The following VPS13B variants were observed in gnomAD, a reference collection of about 807,000 sequenced individuals.
VPS13B encodes the protein intermembrane lipid transfer protein VPS13B.
VPS13B carries 285 observed loss-of-function variants against 426.4 expected under a neutral mutation model. The ratio of observed to expected loss-of-function variants is 0.67; its 90% confidence interval spans 0.61 to 0.74. The LOEUF (loss-of-function observed/expected upper bound fraction) is 0.74, where lower values mean the gene tolerates loss of function less well. VPS13B is among the 30% of genes least tolerant of loss of function. The pLI, the probability that VPS13B is intolerant of heterozygous loss-of-function variation, is 0.00. For missense variants in VPS13B, 4,537 were observed against 4,782.6 expected, an observed-to-expected ratio of 0.95 and a Z score of 1.51; for synonymous variants, 1,676 against 1,676.4, an observed-to-expected ratio of 1.00 and a Z score of 0.01.
At chr8:99,753,948 G>A (rs1358949025) in intron 39 of VPS13B, among the ~76,000 whole-genome samples, 1 of 152,150 alleles carries the variant, frequency 6.6e-6, no homozygotes, top group Non-Finnish European at 1.5e-5. Flanking sequence ...ACAACTGTAT[G>A]CTGGAATATT....
At chr8:99,210,636 A>G (rs2132793686) in intron 17 of VPS13B, among the ~76,000 whole-genome samples, 1 of 152,144 alleles carries the variant, frequency 6.6e-6, no homozygotes, top group Non-Finnish European at 1.5e-5. Flanking sequence ...ACAGAGTTTT[A>G]TTTCCATCTC....
At chr8:99,060,727 A>T (rs546588592) in intron 3 of VPS13B, among the ~76,000 whole-genome samples, 1 of 152,278 alleles carries the variant, frequency 6.6e-6, no homozygotes, top group East Asian at 1.9e-4. Flanking sequence ...TAGTTCAATA[A>T]TACTTTTTTT....
chr8:99,761,198 G>A (rs759711687), intron 39 of VPS13B, among the ~76,000 whole-genome samples: 1 of 152,140 alleles, frequency 6.6e-6, no homozygotes, highest in Non-Finnish European at 1.5e-5. Flanking sequence ...AAATTCTGAC[G>A]CATAACTGAC....
chr8:99,561,512 A>G (rs961553697), intron 31 of VPS13B, among the ~76,000 whole-genome samples: 8 of 152,226 alleles, frequency 5.3e-5, no homozygotes, highest in African/African-American at 1.9e-4. Context: ...CATTCAGTAG[A>G]AACTGTACTT....
At chr8:99,608,919 T>A (rs932804639) in intron 33 of VPS13B, among the ~76,000 whole-genome samples, 2 of 152,120 alleles carry the variant, frequency 1.3e-5, no homozygotes, top group Admixed American at 1.3e-4. Flanking sequence ...GGTGATGGAC[T>A]TTTGGGTTGT....
Position 99,502,969 on chromosome 8 carries a change from A to T in VPS13B, c.4157+19A>T, listed in dbSNP as rs759470345. 9 of 1,527,794 alleles carry T rather than the reference A, an allele frequency of 5.9e-6. No homozygotes were observed. The South Asian group carries it at 1.0e-4, about 17-fold the overall frequency. The allele number at this position is 1,527,794 out of a possible 1,614,324, so 94.6% of individuals were successfully genotyped here. ...GAAGCAGGTAAATAATGAATAATGAATATAAGAAAATCTGTATTTTTCTTT... is the reference window on the plus strand; with the variant it reads ...GAAGCAGGTAAATAATGAATAATGATTATAAGAAAATCTGTATTTTTCTTT... On this transcript the variant is annotated intron_variant, in intron 27 of 61. Coordinates refer to ENST00000357162, the MANE Select transcript of VPS13B (RefSeq NM_152564.5).
intron 45 of VPS13B, among the ~76,000 whole-genome samples, chr8:99,818,160 A>G (rs1030888890): frequency 3.3e-5 from 5 of 152,200 alleles, no homozygotes; most frequent in Non-Finnish European, 5.9e-5. Flanking sequence ...CTTTACCATC[A>G]TCACTTTCAT....
At position 99,828,855 on chromosome 8, in the gene VPS13B, T is replaced by C. The variant is rs145342937; in HGVS notation, c.9331-3514T>C. On this transcript the variant is annotated intron_variant, in intron 51 of 61. Transcript: ENST00000357162. ...AAGGATTTTATTTCTTCTTCACTTATAAAGCTTAGTTTGGCTGGATATGAA... is the reference window on the plus strand; with the variant it reads ...AAGGATTTTATTTCTTCTTCACTTACAAAGCTTAGTTTGGCTGGATATGAA... Among the ~76,000 whole-genome samples the C allele has an allele frequency of 3.2e-3, 487 of 152,322 alleles. 3 individuals carry two copies. Among genetic ancestry groups the C allele is most frequent in the African/African-American group, 0.011 (473 of 41,556 alleles).
At chr8:99,162,569 G>A (rs1327321028) in intron 15 of VPS13B, among the ~76,000 whole-genome samples, 3 of 152,134 alleles carry the variant, frequency 2.0e-5, no homozygotes, top group East Asian at 1.9e-4. Flanking sequence ...TGGTGGGTTC[G>A]TGGTCTCGCT....
chr8:99,165,189 A>G (rs1169202619), intron 15 of VPS13B, among the ~76,000 whole-genome samples: 1 of 152,166 alleles, frequency 6.6e-6, no homozygotes, highest in Admixed American at 6.5e-5. Context: ...TGTGGTGAGA[A>G]CTGTTTAAAT....
chr8:99,374,602 ATGT>A (rs1186204067), intron 19 of VPS13B, among the ~76,000 whole-genome samples: 1 of 152,070 alleles, frequency 6.6e-6, no homozygotes, highest in Non-Finnish European at 1.5e-5. Flanking sequence ...GTAATGTCAA[ATGT>A]TGTATATAAA....
chr8:99,418,174 C>T (rs192645716), intron 21 of VPS13B, among the ~76,000 whole-genome samples: 13 of 152,188 alleles, frequency 8.5e-5, no homozygotes, highest in Non-Finnish European at 4.4e-5. Flanking sequence ...AGTTCTTAAT[C>T]TAAGCCTTAA....
rs71506339 is a variant in VPS13B at position 99,845,998 on chromosome 8, G to C, written c.9943-2778G>C. 4.5e-3 allele frequency among the ~76,000 whole-genome samples: 688 copies of C among 152,334 alleles called. 1 individual carries two copies. Among genetic ancestry groups the C allele is most frequent in the Middle Eastern group, 6.8e-3 (2 of 294 alleles). ...GCCCATTGGCCAAAACTAGTCACAA[G>C]ACCATATCTAACTGCAGGGGTGGCG... On this transcript the variant is annotated intron_variant, in intron 54 of 61. Coordinates refer to ENST00000357162, the MANE Select transcript of VPS13B (RefSeq NM_152564.5).
intron 19 of VPS13B, among the ~76,000 whole-genome samples, chr8:99,380,898 A>C (rs548667978): frequency 7.9e-5 from 12 of 151,314 alleles, no homozygotes; most frequent in African/African-American, 2.9e-4. Flanking sequence ...TTTAAAAAAA[A>C]AAGACTTTTA....
At chr8:99,441,151 T>G (rs1341234755) in intron 22 of VPS13B, among the ~76,000 whole-genome samples, 1 of 152,102 alleles carries the variant, frequency 6.6e-6, no homozygotes, top group Non-Finnish European at 1.5e-5. Context: ...CACAAACCAA[T>G]GCGTTTATTT....
At chr8:99,251,096 A>C (rs77213590) in intron 17 of VPS13B, among the ~76,000 whole-genome samples, 1,678 of 152,166 alleles carry the variant, frequency 0.011, 16 homozygotes, top group Admixed American at 0.052. Context: ...AGTTATGTTA[A>C]ATGCAGAGAC....
At chr8:99,292,179 T>C (rs1343120788) in intron 19 of VPS13B, among the ~76,000 whole-genome samples, 1 of 152,094 alleles carries the variant, frequency 6.6e-6, no homozygotes, top group African/African-American at 2.4e-5. Flanking sequence ...AAGAAAACTT[T>C]TAATTGGATT....
chr8:99,615,863 C>G (rs1828062227), intron 33 of VPS13B, among the ~76,000 whole-genome samples: 1 of 151,924 alleles, frequency 6.6e-6, no homozygotes, highest in South Asian at 2.1e-4. Flanking sequence ...AAAAGTCCAA[C>G]TTTCTTTCAA....
At chr8:99,574,288 T>G (rs143417004) in intron 31 of VPS13B, among the ~76,000 whole-genome samples, 6,359 of 152,254 alleles carry the variant, frequency 0.042, 214 homozygotes, top group Non-Finnish European at 0.059. Context: ...TGAATATCCT[T>G]TATTTCTTTC....
Sources: allele counts gnomAD v4.1 joint callset (sites outside exome capture counted in the v4.1 genomes callset), GRCh38; gene constraint gnomAD v4.1.1; transcripts MANE v1.5; gene names NCBI Gene and HGNC (gene_info 2026-07-23, HGNC 2026-07-21).